Variants in PTPRU observed in about 807,000 individuals in gnomAD.
PTPRU encodes protein tyrosine phosphatase receptor type U, also known as receptor-type tyrosine-protein phosphatase U.
PTPRU carries 69 observed loss-of-function variants against 166.3 expected under a neutral mutation model. The ratio of observed to expected loss-of-function variants is 0.41; its 90% CI spans 0.34 to 0.51. The LOEUF is 0.51. PTPRU is among the 20% of genes least tolerant of loss of function. The pLI, the probability that PTPRU is intolerant of heterozygous loss-of-function variation, is 0.09. For synonymous variants in PTPRU, 793 were observed against 814.0 expected (o/e 0.97, Z 0.44); for missense variants, 1,657 against 2,013.7 (o/e 0.82, Z 3.39).
intron 18 of PTPRU, among the ~76,000 whole-genome samples, chr1:29,308,580 AAAAAAAG>A: frequency 6.6e-6 from 1 of 151,074 alleles, no homozygotes; most frequent in Non-Finnish European, 1.5e-5. Flanking sequence ...AAAAAAAAAA[AAAAAAAG>A]AGAGAGAGAG....
intron 7 of PTPRU, among the ~76,000 whole-genome samples, chr1:29,266,214 G>T (rs1479441800): frequency 2.0e-5 from 3 of 151,656 alleles, no homozygotes; most frequent in South Asian, 4.2e-4. Flanking sequence ...GAGGTGGTTG[G>T]TCAGGCTGGT....
At chr1:29,316,210 CATCCTTAATACT>C (rs1455839066) in intron 24 of PTPRU, 59 bp downstream of exon 24, 1 of 1,549,422 alleles carries the variant, frequency 6.5e-7, no homozygotes, top group African/African-American at 1.4e-5. Flanking sequence ...TGTGTTGGGG[CATCCTTAATACT>C]GCAGGAGTCA....
intron 14 of PTPRU, among the ~76,000 whole-genome samples, 193 bp downstream of exon 14, chr1:29,285,062 G>T (rs1316347435): frequency 6.6e-6 from 1 of 152,164 alleles, no homozygotes; most frequent in Non-Finnish European, 1.5e-5. Context: ...AGATGGGGCT[G>T]CCCTGGAGTG....
chr1:29,259,698 C>T, intron 5 of PTPRU, 134 bp downstream of exon 5: 1 of 1,246,776 alleles, frequency 8.0e-7, no homozygotes, highest in South Asian at 1.5e-5. Context: ...CGGCCCTCCC[C>T]TAGCTCTGCT....
intron 25 of PTPRU, among the ~76,000 whole-genome samples, chr1:29,318,951 C>T (rs886586689): frequency 1.4e-4 from 21 of 152,202 alleles, no homozygotes; most frequent in African/African-American, 4.8e-4. Flanking sequence ...GGGCTTTTTG[C>T]GGCCTGATGC....
chr1:29,305,556 C>T (rs764155109), intron 18 of PTPRU, 128 bp downstream of exon 18: 3 of 963,294 alleles, frequency 3.1e-6, no homozygotes, highest in Non-Finnish European at 5.0e-6. Context: ...GCCCCTATCT[C>T]TGCAGTCAGT....
chr1:29,325,311 C>T lies in PTPRU; in HGVS notation c.4233C>T (p.Asn1411=), dbSNP rs769139036. 7 of 1,614,068 alleles carry T rather than the reference C, an allele frequency of 4.3e-6. No individual in the cohort carries two copies. Among genetic ancestry groups the T allele is most frequent in the African/African-American group, 1.3e-5 (1 of 74,944 alleles). The change falls in exon 29 of 30, where the codon AAC becomes AAT. Residue 1411 remains asparagine (N), a synonymous_variant. Coordinates refer to ENST00000373779, the MANE Select transcript of PTPRU (RefSeq NM_133178.4). ...AAKTLRNYKP[N]MVETMDQYHF... ...AAACCCTCCGGAACTACAAACCCAA[C>T]ATGGTGGAGACCATGGTGAGGGGCT...
At chr1:29,298,367 C>A (rs915620743) in intron 15 of PTPRU, among the ~76,000 whole-genome samples, 12 of 152,196 alleles carry the variant, frequency 7.9e-5, no homozygotes, top group African/African-American at 2.9e-4. Flanking sequence ...CCTCCACTTG[C>A]TGGTCTGCCT....
chr1:29,241,873 G>A (rs965303802), intron 1 of PTPRU, among the ~76,000 whole-genome samples: 15 of 148,726 alleles, frequency 1.0e-4, no homozygotes, highest in Admixed American at 3.4e-4. Context: ...GATTACAGGC[G>A]TGAACCACAG....
In PTPRU at chr1:29,323,645, C is replaced by T. The variant is rs1688267596; in HGVS notation, c.3969C>T (p.His1323=). ...VQNISRLQEG[H]LLVRHFQFLR... ...CCTGTCCCCAGTTGCAGGAGGGGCA[C>T]CTGCTGGTGCGGCACTTCCAGTTCC... The change falls in exon 28 of 30, where the codon CAC becomes CAT. Residue 1323 remains histidine, a synonymous_variant. Transcript: ENST00000373779. The T allele has an allele frequency of 3.7e-6, 6 of 1,614,036 alleles. No individual in the cohort carries two copies. The highest frequency in any genetic ancestry group is 1.3e-5 in the African/African-American group (1 of 75,012).
At position 29,320,832 on chromosome 1, in the gene PTPRU, C is replaced by T. The variant is rs762864259; in HGVS notation, c.3828+7C>T. 5.3e-5 allele frequency: 82 copies of T among 1,561,662 alleles called. No individual in the cohort carries two copies. Among genetic ancestry groups the T allele is most frequent in the Non-Finnish European group, 6.4e-5 (73 of 1,145,358 alleles). The stretch of plus-strand genomic sequence containing the variant: ...CCAGTCCAACTCCGCCTGGGTGAGG[C>T]CTCCACTGGCCAGGCCAATGGGCCG... On this transcript the variant is annotated splice_region_variant and intron_variant, in intron 26 of 29. Coordinates refer to ENST00000373779, the MANE Select transcript of PTPRU (RefSeq NM_133178.4). The surrounding 1 kb of genome is among the most constrained non-coding windows in gnomAD (Gnocchi z 5.2).
At chr1:29,297,956 A>G (rs1686965469) in intron 15 of PTPRU, among the ~76,000 whole-genome samples, 1 of 152,018 alleles carries the variant, frequency 6.6e-6, no homozygotes, top group African/African-American at 2.4e-5. Context: ...GGCAGAGGTG[A>G]TGGTTGGAAA....
chr1:29,318,391 A>G (rs1687996984), intron 25 of PTPRU, among the ~76,000 whole-genome samples: 1 of 152,150 alleles, frequency 6.6e-6, no homozygotes, highest in African/African-American at 2.4e-5. Context: ...GGAGCCTTTT[A>G]GAAGTCTCTT....
rs1312945050 is a variant in PTPRU at position 29,280,589 on chromosome 1, G to A, written c.1868+448G>A. On this transcript the variant is annotated intron_variant, in intron 11 of 29. Coordinates refer to ENST00000373779, the MANE Select transcript of PTPRU (RefSeq NM_133178.4). The surrounding 1 kb of genome is among the most constrained non-coding windows in gnomAD (Gnocchi z 4.2). ...TCTCCACCTCCTCTCCCCAGAGGAA[G>A]CTGGGCTTGCTGGTGCCGTGGTGGC... Among the ~76,000 whole-genome samples the A allele has an allele frequency of 3.9e-5, 6 of 152,186 alleles. No individual in the cohort carries two copies. The highest frequency in any genetic ancestry group is 7.3e-5 in the Non-Finnish European group (5 of 68,036).
intron 7 of PTPRU, among the ~76,000 whole-genome samples, chr1:29,266,620 C>T (rs1685316138): frequency 6.6e-6 from 1 of 152,108 alleles, no homozygotes. Context: ...CTTCAGTCCC[C>T]CTGTTTTACA....
chr1:29,314,740 G>A (rs1273917725), intron 22 of PTPRU, among the ~76,000 whole-genome samples: 1 of 152,014 alleles, frequency 6.6e-6, no homozygotes, highest in Non-Finnish European at 1.5e-5. Flanking sequence ...ACCACACCCG[G>A]CTATTTTTTG....
In PTPRU at chr1:29,323,431, T is replaced by G; in HGVS notation, c.3889T>G (p.Phe1297Val). The change falls in exon 27 of 30, where the codon TTT (phenylalanine) becomes GTT (valine). Residue 1297 changes from phenylalanine to valine, a missense_variant. Phe to Val is a conservative substitution (Grantham distance 50). Transcript: ENST00000373779. ...GCAATATGGCCTCATGGAGGTGGAG[T>G]TTATGTCGGGCACAGCTGATGAAGA... ...RQQYGLMEVE[F>V]MSGTADEDLV... The G allele has an allele frequency of 6.2e-7, 1 of 1,610,126 alleles. No homozygotes were observed. Among genetic ancestry groups the G allele is most frequent in the Non-Finnish European group, 8.5e-7 (1 of 1,178,326 alleles).
chr1:29,262,380 G>A (rs1685107437), intron 7 of PTPRU, among the ~76,000 whole-genome samples: 1 of 152,166 alleles, frequency 6.6e-6, no homozygotes, highest in Non-Finnish European at 1.5e-5. Flanking sequence ...GTATACGGTA[G>A]TCCCCGTGTA....
chr1:29,250,416 T>C (rs1684497937), intron 1 of PTPRU, among the ~76,000 whole-genome samples: 1 of 152,246 alleles, frequency 6.6e-6, no homozygotes, highest in South Asian at 2.1e-4. Flanking sequence ...GGTTTAAGTC[T>C]GAGCTTCTGC....
Sources: allele counts gnomAD v4.1 joint callset (sites outside exome capture counted in the v4.1 genomes callset), GRCh38; gene constraint gnomAD v4.1.1; non-coding constraint Gnocchi (gnomAD v3.1); transcripts MANE v1.5; gene names NCBI Gene and HGNC (gene_info 2026-07-23, HGNC 2026-07-21).